STRBP: variants seen among roughly 807,000 people sequenced by gnomAD.
The protein encoded by STRBP is spermatid perinuclear RNA-binding protein.
A neutral mutation model predicts 80.1 loss-of-function variants in STRBP; 13 were observed. The ratio of observed to expected loss-of-function variants is 0.16; its 90% CI spans 0.11 to 0.26. STRBP has a LOEUF of 0.26. Among genes scored for constraint, STRBP ranks in the 10% least tolerant of loss-of-function variants. The probability of loss-of-function intolerance (pLI) is 1.00; values close to 1 mark genes in which losing one functional copy is unlikely to be tolerated. For missense variants in STRBP, 485 were observed against 815.2 expected (o/e 0.59, Z 4.93); for synonymous variants, 284 against 291.2 (o/e 0.98, Z 0.25).
rs143662310 is a variant in STRBP at position 123,192,505 on chromosome 9, T to C, written c.-164-8207A>G. ...CCTATAGTCCGTCGGGAGGCTGAAG[T>C]AGGAGGATCATTTGAGCTCAGGGGA... is the stretch of plus-strand genomic sequence containing the variant. On this transcript the variant is annotated intron_variant, in intron 2 of 18. Coordinates refer to ENST00000348403, the MANE Select transcript of STRBP (RefSeq NM_018387.5). Among the ~76,000 whole-genome samples the C allele has an allele frequency of 2.8e-3, 422 of 152,220 alleles. 2 individuals are homozygous for C. Among genetic ancestry groups the C allele is most frequent in the African/African-American group, 9.8e-3 (407 of 41,538 alleles).
At chr9:123,132,091 C>T (rs1412482613) in intron 17 of STRBP, among the ~76,000 whole-genome samples, 1 of 152,150 alleles carries the variant, frequency 6.6e-6, no homozygotes, top group African/African-American at 2.4e-5. Context: ...GAAGGGAAGG[C>T]AGAGAGAGGG....
intron 2 of STRBP, among the ~76,000 whole-genome samples, chr9:123,193,270 T>C (rs1413370798): frequency 6.6e-6 from 1 of 152,166 alleles, no homozygotes; most frequent in African/African-American, 2.4e-5. Context: ...CTCAATAGAA[T>C]TTGAATTCAA....
chr9:123,234,528 A>C (rs562064465), intron 2 of STRBP, among the ~76,000 whole-genome samples: 1 of 152,370 alleles, frequency 6.6e-6, no homozygotes, highest in Non-Finnish European at 1.5e-5. Context: ...CTTTGTAGCA[A>C]GGCTCAGACT....
intron 2 of STRBP, among the ~76,000 whole-genome samples, chr9:123,220,116 G>A (rs533104698): frequency 6.6e-6 from 1 of 152,304 alleles, no homozygotes; most frequent in East Asian, 1.9e-4. Flanking sequence ...TGGAAAAAGA[G>A]CAAATAAAGA....
At chr9:123,113,612 T>C (rs1232754414) in intron 3 of STRBP, 2 of 167,214 alleles carry the variant, frequency 1.2e-5, no homozygotes, top group Admixed American at 1.3e-4. Flanking sequence ...AGGAACTACA[T>C]CGTCCTGTGC....
chr9:123,143,869 TTAGC>T (rs1236415519), intron 13 of STRBP, among the ~76,000 whole-genome samples: 1 of 152,036 alleles, frequency 6.6e-6, no homozygotes, highest in African/African-American at 2.4e-5. Context: ...AATCTTTGAG[TTAGC>T]TATTTAAACA....
chr9:123,168,239 G>A lies in STRBP; in HGVS notation c.535+1663C>T, dbSNP rs910691507. ...TCAGAAATCATTTTATAGTTCTACA[G>A]TTAATGGTGAACTGTAAAGCTGTTA... On this transcript the variant is annotated intron_variant, in intron 6 of 18. Transcript: ENST00000348403. 45 of 982,852 alleles carry A rather than the reference G, an allele frequency of 4.6e-5. No individual in the cohort carries two copies. In the South Asian group the frequency reaches 2.0e-3, roughly 44 times the overall value. 60.9% of individuals were successfully genotyped at this position (982,852 alleles called of 1,614,324 possible).
At chr9:123,127,484 G>GA (rs1247521415) in intron 18 of STRBP, among the ~76,000 whole-genome samples, 7 of 152,106 alleles carry the variant, frequency 4.6e-5, no homozygotes, top group Non-Finnish European at 1.0e-4. Context: ...CACCTGAGTA[G>GA]AAAAAAGTGT....
At chr9:123,181,784 G>A (rs1370351315) in intron 3 of STRBP, among the ~76,000 whole-genome samples, 1 of 74,764 alleles carries the variant, frequency 1.3e-5, no homozygotes, top group Non-Finnish European at 2.2e-5. Flanking sequence ...TCAGCAACAA[G>A]AGCAAAACTT....
intron 2 of STRBP, among the ~76,000 whole-genome samples, chr9:123,215,710 A>G (rs190910599): frequency 6.6e-6 from 1 of 152,302 alleles, no homozygotes; most frequent in East Asian, 1.9e-4. Context: ...GTTTGAACCC[A>G]GGAGGCGGAG....
At chr9:123,236,658 A>G (rs1262502243) in intron 2 of STRBP, among the ~76,000 whole-genome samples, 172 bp downstream of exon 2, 13 of 139,012 alleles carry the variant, frequency 9.4e-5, no homozygotes, top group Non-Finnish European at 1.6e-4. Flanking sequence ...AGGATTTTCT[A>G]AAAAAAAAAA....
At chr9:123,156,075 T>TA (rs80013087) in intron 11 of STRBP, among the ~76,000 whole-genome samples, 1,840 of 137,322 alleles carry the variant, frequency 0.013, 15 homozygotes, top group Non-Finnish European at 0.019. Context: ...TCTTTAAAGT[T>TA]AAAAAAAAAA....
intron 8 of STRBP, among the ~76,000 whole-genome samples, chr9:123,159,615 A>T (rs2037437294): frequency 6.6e-6 from 1 of 152,206 alleles, no homozygotes; most frequent in African/African-American, 2.4e-5. Context: ...TTTCAATATA[A>T]TAATAAGACT....
At chr9:123,219,146 A>T (rs2039994331) in intron 2 of STRBP, among the ~76,000 whole-genome samples, 1 of 152,030 alleles carries the variant, frequency 6.6e-6, no homozygotes, top group Non-Finnish European at 1.5e-5. Context: ...AAAGACAGAG[A>T]ACAGGAGTTT....
intron 2 of STRBP, among the ~76,000 whole-genome samples, chr9:123,194,052 A>G (rs1378415816): frequency 6.6e-6 from 1 of 152,144 alleles, no homozygotes; most frequent in African/African-American, 2.4e-5. Context: ...CCTGGAATGC[A>G]AAATATCCTG....
chr9:123,187,800 A>G lies in STRBP; in HGVS notation c.-164-3502T>C, dbSNP rs560000945. On this transcript the variant is annotated intron_variant, in intron 2 of 18. Transcript: ENST00000348403. ...CCACCCACCACACATAGTTTCTCCT[A>G]TTCTTGACATATTACCTTAGTGTGG... Among the ~76,000 whole-genome samples, 9 of 124,698 alleles carry G rather than the reference A, an allele frequency of 7.2e-5. No homozygotes were observed. In the South Asian group the frequency reaches 2.2e-3, roughly 31 times the overall value. The allele number at this position is 124,698 out of a possible 152,430, so 81.8% of individuals were successfully genotyped here.
intron 1 of STRBP, among the ~76,000 whole-genome samples, chr9:123,244,643 T>C (rs917061924): frequency 1.3e-5 from 2 of 152,186 alleles, no homozygotes; most frequent in Admixed American, 6.5e-5. Context: ...TCTCAAAAAA[T>C]AGTATTGATG....
chr9:123,163,524 C>A (rs554768326), intron 6 of STRBP, among the ~76,000 whole-genome samples: 1 of 152,192 alleles, frequency 6.6e-6, no homozygotes, highest in African/African-American at 2.4e-5. Context: ...CTCTGATAGT[C>A]AGAAAAGCAA....
At chr9:123,255,912 G>A (rs2041017838) in intron 1 of STRBP, among the ~76,000 whole-genome samples, 1 of 151,834 alleles carries the variant, frequency 6.6e-6, no homozygotes, top group African/African-American at 2.4e-5. Flanking sequence ...GGGAACCCCA[G>A]GCTGCCAATC....
Sources: gnomAD v4.1 joint callset for allele counts (sites outside exome capture counted in the v4.1 genomes callset) on GRCh38, gnomAD v4.1.1 for gene constraint, MANE v1.5 for transcripts, NCBI Gene and HGNC (gene_info 2026-07-23, HGNC 2026-07-21) for gene names.